The following COLQ variants were observed in gnomAD, a reference collection of about 807,000 sequenced individuals.
COLQ encodes collagen like tail subunit of asymmetric acetylcholinesterase, also known as acetylcholinesterase collagenic tail peptide.
In COLQ, 48 loss-of-function variants were observed where a neutral mutation model predicts 69.0. The ratio of observed to expected loss-of-function variants is 0.70; its 90% CI spans 0.55 to 0.88. COLQ has a LOEUF of 0.88. Ranked by LOEUF, COLQ falls within the 40% of genes least tolerant of loss-of-function variation. The probability of loss-of-function intolerance (pLI) is 0.00; values close to 1 mark genes in which losing one functional copy is unlikely to be tolerated. For missense variants in COLQ, 618 were observed against 594.6 expected (o/e 1.04, Z -0.41); for synonymous variants, 217 against 211.2 (o/e 1.03, Z -0.24).
chr3:15,500,835 G>T (rs2062820365), intron 1 of COLQ, among the ~76,000 whole-genome samples: 1 of 152,190 alleles, frequency 6.6e-6, no homozygotes, highest in Admixed American at 6.5e-5. Context: ...AGCCAAGTGT[G>T]CCAGCCTGGG....
chr3:15,517,057 G>C (rs563251970), intron 1 of COLQ, among the ~76,000 whole-genome samples: 11 of 152,092 alleles, frequency 7.2e-5, no homozygotes, highest in Admixed American at 7.2e-4. Context: ...TATGACAATC[G>C]CTTGAACCTG....
At chr3:15,505,688 G>C (rs1298055410) in intron 1 of COLQ, among the ~76,000 whole-genome samples, 1 of 152,196 alleles carries the variant, frequency 6.6e-6, no homozygotes, top group East Asian at 1.9e-4. Context: ...GCTTGACAGG[G>C]GAGGACAAGT....
At chr3:15,478,866 G>T (rs2062426341) in intron 5 of COLQ, 111 bp downstream of exon 5, 3 of 1,273,526 alleles carry the variant, frequency 2.4e-6, no homozygotes, top group Non-Finnish European at 3.4e-6. Flanking sequence ...CTGTCCACCT[G>T]GGTATCAGTG....
intron 1 of COLQ, among the ~76,000 whole-genome samples, chr3:15,512,064 A>G (rs1229092742): frequency 6.6e-6 from 1 of 151,940 alleles, no homozygotes; most frequent in South Asian, 2.1e-4. Context: ...AAACCCCTGG[A>G]AAGTCCTCTG....
At chr3:15,506,203 G>A (rs1437549401) in intron 1 of COLQ, among the ~76,000 whole-genome samples, 2 of 152,180 alleles carry the variant, frequency 1.3e-5, no homozygotes, top group Non-Finnish European at 2.9e-5. Flanking sequence ...CTATAATCCT[G>A]TGATTCTACC....
rs368932156 is a variant in COLQ at position 15,451,658 on chromosome 3, G to A, written c.1354C>T (p.Arg452Cys). The change falls in exon 17 of 17, where the codon CGC (arginine) becomes TGC (cysteine). Residue 452 changes from arginine (R) to cysteine (C), a missense_variant. Transcript: ENST00000383788. ...QYCYIDSTPC[R>C]YFT The stretch of plus-strand genomic sequence containing the variant: ...CCTCACGGCCCTCAGGTGAAGTAGC[G>A]GCAGGGCGTGGAGTCGATGTAGCAG... The A allele has an allele frequency of 2.5e-5, 41 of 1,614,102 alleles. 1 individual carries two copies. The East Asian group carries it at 6.9e-4, about 27-fold the overall frequency.
chr3:15,513,063 A>G lies in COLQ; in HGVS notation c.106+8457T>C, dbSNP rs545415969. On this transcript the variant is annotated intron_variant, in intron 1 of 16. Coordinates refer to ENST00000383788, the MANE Select transcript of COLQ (RefSeq NM_005677.4). ...CTTTCTTCTTTAGTAAAATAGGGGT[A>G]CTAATGGCTACCTTGTGACATTGTT... is the stretch of plus-strand genomic sequence containing the variant. Among the ~76,000 whole-genome samples the G allele has an allele frequency of 1.9e-4, 29 of 152,360 alleles. No homozygotes were observed. The South Asian group carries it at 3.1e-3, about 16-fold the overall frequency.
chr3:15,475,477 C>G lies in COLQ; in HGVS notation c.476G>C (p.Gly159Ala), dbSNP rs748461738. Residue 159 changes from glycine to alanine, a missense_variant, in exon 7 of 17, where the codon GGT becomes GCT. Physicochemically the swap from Gly to Ala is moderately conservative, Grantham distance 60. Coordinates refer to ENST00000383788, the MANE Select transcript of COLQ (RefSeq NM_005677.4). Reference protein sequence around the residue: ...PGPEGPRGEKGDLGMMGLPGS... With the variant: ...PGPEGPRGEKADLGMMGLPGS... ...TGGCAAGCCCATCATACCCAGGTCA[C>G]CTTTTTCACCCTGTGGGAATTAGAA... is the stretch of plus-strand genomic sequence containing the variant. 1.4e-5 allele frequency: 22 copies of G among 1,598,044 alleles called. No individual in the cohort carries two copies. The highest frequency in any genetic ancestry group is 1.0e-4 in the South Asian group (9 of 88,310).
intron 16 of COLQ, among the ~76,000 whole-genome samples, chr3:15,452,021 G>A (rs2061950171): frequency 6.6e-6 from 1 of 151,860 alleles, no homozygotes; most frequent in African/African-American, 2.4e-5. Flanking sequence ...CTGGCCAGAT[G>A]TGGCTATTGA....
intron 14 of COLQ, 48 bp from the exon 15 acceptor site, chr3:15,456,067 C>T: frequency 6.2e-7 from 1 of 1,610,164 alleles, no homozygotes; most frequent in East Asian, 2.2e-5. Flanking sequence ...CATACCCAGG[C>T]AGCCGCAGGC....
chr3:15,482,075 A>C (rs2062495271), intron 3 of COLQ, among the ~76,000 whole-genome samples: 1 of 152,124 alleles, frequency 6.6e-6, no homozygotes, highest in African/African-American at 2.4e-5. Flanking sequence ...GTATCCTGAG[A>C]TTTGCTGAAG....
intron 11 of COLQ, among the ~76,000 whole-genome samples, chr3:15,467,458 T>A (rs915415298): frequency 6.6e-6 from 1 of 152,214 alleles, no homozygotes; most frequent in African/African-American, 2.4e-5. Flanking sequence ...CTTGGTTCCA[T>A]CTGTTTCACG....
intron 13 of COLQ, among the ~76,000 whole-genome samples, chr3:15,457,433 A>C (rs1167420753): frequency 6.6e-6 from 1 of 152,104 alleles, no homozygotes; most frequent in African/African-American, 2.4e-5. Flanking sequence ...GTAGGCATAA[A>C]GAGAAAACAA....
At chr3:15,515,524 T>C (rs999427723) in intron 1 of COLQ, among the ~76,000 whole-genome samples, 2 of 152,170 alleles carry the variant, frequency 1.3e-5, no homozygotes, top group Non-Finnish European at 2.9e-5. Flanking sequence ...TTAAAGAAGA[T>C]GGGGACCAGG....
chr3:15,476,049 T>G (rs910539139), intron 6 of COLQ, among the ~76,000 whole-genome samples: 1 of 152,238 alleles, frequency 6.6e-6, no homozygotes, highest in African/African-American at 2.4e-5. Context: ...TGAAGTTAAT[T>G]TTAATAGATC....
intron 1 of COLQ, among the ~76,000 whole-genome samples, chr3:15,491,559 G>A (rs561819029): frequency 4.1e-4 from 62 of 152,324 alleles, no homozygotes; most frequent in Admixed American, 1.0e-3. Context: ...ACACACACTC[G>A]CTCGCACCCT....
At chr3:15,471,568 T>C (rs746839936) in intron 10 of COLQ, among the ~76,000 whole-genome samples, 11 of 152,172 alleles carry the variant, frequency 7.2e-5, no homozygotes, top group Non-Finnish European at 1.5e-4. Flanking sequence ...TGAGTGTTAA[T>C]CAGCAGCCAG....
intron 1 of COLQ, among the ~76,000 whole-genome samples, chr3:15,495,849 G>T (rs2062738462): frequency 6.6e-6 from 1 of 152,186 alleles, no homozygotes; most frequent in African/African-American, 2.4e-5. Context: ...GGTGGAGGAG[G>T]CTGGCAGGTT....
At chr3:15,519,626 C>T (rs1163266856) in intron 1 of COLQ, among the ~76,000 whole-genome samples, 1 of 152,160 alleles carries the variant, frequency 6.6e-6, no homozygotes, top group Non-Finnish European at 1.5e-5. Flanking sequence ...CAAAGTGATC[C>T]CTTCATTCAG....
Sources: allele counts gnomAD v4.1 joint callset (sites outside exome capture counted in the v4.1 genomes callset), GRCh38; gene constraint gnomAD v4.1.1; transcripts MANE v1.5; gene names NCBI Gene and HGNC (gene_info 2026-07-23, HGNC 2026-07-21).